Variants in DDX46 observed in about 807,000 individuals in gnomAD.
DDX46 encodes DEAD-box helicase 46.
A neutral mutation model predicts 134.9 loss-of-function variants in DDX46; 30 were observed. That is an observed-to-expected ratio of 0.22 (90% confidence interval 0.17 to 0.30). The LOEUF (loss-of-function observed/expected upper bound fraction) is 0.30. Among genes scored for constraint, DDX46 ranks in the 10% least tolerant of loss-of-function variants. DDX46 has a pLI of 1.00. For synonymous variants in DDX46, 415 were observed against 404.1 expected, an observed-to-expected ratio of 1.03 and a Z score of -0.32; for missense variants, 622 against 1,248.7, an observed-to-expected ratio of 0.50 and a Z score of 7.56.
intron 1 of DDX46, among the ~76,000 whole-genome samples, chr5:134,759,668 G>A (rs867504124): frequency 1.3e-5 from 2 of 152,170 alleles, no homozygotes; most frequent in Non-Finnish European, 2.9e-5. Flanking sequence ...ATGACTGAAA[G>A]ATATTTTATG....
At position 134,811,258 on chromosome 5, in the gene DDX46, G is replaced by A. The variant is rs1202463050; in HGVS notation, c.2186G>A (p.Arg729His). The A allele has an allele frequency of 1.9e-6, 3 of 1,613,872 alleles. No homozygotes were observed. Among genetic ancestry groups the A allele is most frequent in the African/African-American group, 2.7e-5 (2 of 74,904 alleles). ...ACTTTTATCACAGAGGATCAAGCTC[G>A]CTATGCTGGTGACATAATTAAAGCT... is the stretch of plus-strand genomic sequence containing the variant. ...AYTFITEDQA[R>H]YAGDIIKALE... Residue 729 changes from arginine (R) to histidine (H), a missense_variant, in exon 17 of 23, where the codon CGC becomes CAC. Arg to His is a conservative substitution (Grantham distance 29). Transcript: ENST00000452510.
At chr5:134,763,309 G>A (rs1230438264) in intron 1 of DDX46, among the ~76,000 whole-genome samples, 1 of 152,152 alleles carries the variant, frequency 6.6e-6, no homozygotes, top group African/African-American at 2.4e-5. Flanking sequence ...TCATCTTGGT[G>A]TAAAAGACAG....
intron 12 of DDX46, 103 bp downstream of exon 12, chr5:134,788,694 T>G (rs1754415832): frequency 2.8e-6 from 3 of 1,060,504 alleles, no homozygotes; most frequent in Non-Finnish European, 4.2e-6. Context: ...ATATTTCTTC[T>G]TAAAGCTGCA....
intron 19 of DDX46, chr5:134,816,986 A>C (rs1363303525): frequency 5.3e-6 from 1 of 188,892 alleles, no homozygotes; most frequent in East Asian, 1.6e-4. Context: ...TATGGTCTTA[A>C]ACAGTGGAGA....
At chr5:134,802,097 C>A (rs948318869) in intron 15 of DDX46, among the ~76,000 whole-genome samples, 1 of 147,928 alleles carries the variant, frequency 6.8e-6, no homozygotes, top group African/African-American at 2.5e-5. Flanking sequence ...CTCACTGATG[C>A]TTTGTTCAGT....
At chr5:134,777,429 C>A in intron 5 of DDX46, 145 bp from the exon 6 acceptor site, 1 of 803,598 alleles carries the variant, frequency 1.2e-6, no homozygotes. Context: ...AGAATATGAG[C>A]ATTTGAACTG....
Position 134,766,857 on chromosome 5 carries a change from CT to C in DDX46, c.207-59del, listed in dbSNP as rs1400314090. The C allele has an allele frequency of 3.4e-5, 52 of 1,544,540 alleles. No homozygotes were observed. The African/African-American group carries it at 6.8e-4, about 20-fold the overall frequency. On this transcript the variant is annotated intron_variant, in intron 2 of 22. Coordinates refer to ENST00000452510, the MANE Select transcript of DDX46 (RefSeq NM_001300860.2). ...TTCTTTCAATGTGGGACAGAATCCCCTGATCTGAAATAGTAGCTCCATTTGG... is the reference window on the plus strand; with the variant it reads ...TTCTTTCAATGTGGGACAGAATCCCCGATCTGAAATAGTAGCTCCATTTGG...
In DDX46 at chr5:134,759,274, A is replaced by T. The variant is rs188977159; in HGVS notation, c.17+319A>T. Among the ~76,000 whole-genome samples, 3 of 152,360 alleles carry T rather than the reference A, an allele frequency of 2.0e-5. No individual in the cohort carries two copies. In the East Asian group the frequency reaches 5.8e-4, roughly 29 times the overall value. ...GATTACTTCAGTCAGAAGTGATCCCAGTTGGATTGCTTATTGCTTCGCGTT... is the reference window on the plus strand; with the variant it reads ...GATTACTTCAGTCAGAAGTGATCCCTGTTGGATTGCTTATTGCTTCGCGTT... On this transcript the variant is annotated intron_variant, in intron 1 of 22. Coordinates refer to ENST00000452510, the MANE Select transcript of DDX46 (RefSeq NM_001300860.2).
At chr5:134,761,661 A>C (rs1753390568) in intron 1 of DDX46, among the ~76,000 whole-genome samples, 1 of 152,174 alleles carries the variant, frequency 6.6e-6, no homozygotes, top group Non-Finnish European at 1.5e-5. Context: ...ATTCTGATCC[A>C]CCTTCTCCCT....
intron 2 of DDX46, 113 bp downstream of exon 2, chr5:134,764,205 C>A: frequency 9.9e-7 from 1 of 1,005,426 alleles, no homozygotes; most frequent in Non-Finnish European, 1.4e-6. Flanking sequence ...AATTGCAGGC[C>A]CTTTTCTTTA....
chr5:134,770,816 C>CA (rs34760153), intron 3 of DDX46, 87 bp from the exon 4 acceptor site: 235,013 of 903,470 alleles, frequency 0.26, 4,460 homozygotes, highest in Non-Finnish European at 0.28. Flanking sequence ...GACACTGTCT[C>CA]AAAAAAAAAA....
intron 4 of DDX46, among the ~76,000 whole-genome samples, chr5:134,772,659 A>G (rs899440947): frequency 6.6e-6 from 1 of 152,098 alleles, no homozygotes; most frequent in African/African-American, 2.4e-5. Context: ...GCATGCCACC[A>G]CGCCCAGCTA....
chr5:134,794,741 C>A, intron 13 of DDX46, 109 bp from the exon 14 acceptor site: 1 of 1,416,658 alleles, frequency 7.1e-7, no homozygotes, highest in Admixed American at 2.2e-5. Flanking sequence ...GTGGGAGTGG[C>A]AAAACTGAGA....
At chr5:134,808,133 C>T (rs1580811007) in intron 16 of DDX46, among the ~76,000 whole-genome samples, 192 bp downstream of exon 16, 1 of 152,180 alleles carries the variant, frequency 6.6e-6, no homozygotes, top group East Asian at 1.9e-4. Flanking sequence ...TATCAGATAC[C>T]TAGCTGCTCT....
intron 12 of DDX46, chr5:134,789,281 T>C (rs1385295521): frequency 1.3e-5 from 2 of 152,242 alleles, no homozygotes; most frequent in Non-Finnish European, 2.9e-5. Flanking sequence ...AATTTAATGC[T>C]GTTCCCGACC....
At chr5:134,814,418 T>C (rs1208620945) in intron 18 of DDX46, among the ~76,000 whole-genome samples, 1 of 152,210 alleles carries the variant, frequency 6.6e-6, no homozygotes, top group Non-Finnish European at 1.5e-5. Flanking sequence ...ATGTAAACAG[T>C]ACTTAACACG....
intron 1 of DDX46, 82 bp downstream of exon 1, chr5:134,759,037 G>A: frequency 6.4e-7 from 1 of 1,574,342 alleles, no homozygotes; most frequent in Non-Finnish European, 8.6e-7. Flanking sequence ...GTGGCCGCCG[G>A]GCCAGGCCTG....
At chr5:134,823,356 G>T (rs140029934) in intron 21 of DDX46, among the ~76,000 whole-genome samples, 1,921 of 151,764 alleles carry the variant, frequency 0.013, 38 homozygotes, top group African/African-American at 0.044. Flanking sequence ...GGCCAGGATG[G>T]TCTCGATCTC....
rs1754604340 is a variant in DDX46 at position 134,794,885 on chromosome 5, A to G, written c.1662A>G (p.Arg554=). The part of the protein sequence containing the change: ...MRIVDNVRPD[R]QTVMFSATFP... ...TCGTGGATAATGTTCGTCCTGATCG[A>G]CAGACGGTTATGTTTTCAGCTACTT... The change falls in exon 14 of 23, where the codon CGA becomes CGG. Residue 554 remains arginine (R), a synonymous_variant. Coordinates refer to ENST00000452510, the MANE Select transcript of DDX46 (RefSeq NM_001300860.2). The G allele has an allele frequency of 1.9e-5, 30 of 1,614,080 alleles. No homozygotes were observed. Among genetic ancestry groups the G allele is most frequent in the Non-Finnish European group, 2.5e-5 (30 of 1,180,052 alleles).
Sources: allele counts gnomAD v4.1 joint callset (sites outside exome capture counted in the v4.1 genomes callset), GRCh38; gene constraint gnomAD v4.1.1; transcripts MANE v1.5; gene names NCBI Gene and HGNC (gene_info 2026-07-23, HGNC 2026-07-21).